Variants in ALMS1 observed in about 807,000 individuals in gnomAD.
ALMS1 encodes the protein ALMS1 centrosome and basal body associated protein.
A neutral mutation model predicts 352.2 loss-of-function variants in ALMS1; 271 were observed. That is an observed-to-expected ratio of 0.77 (90% CI 0.70 to 0.85). ALMS1 has a LOEUF of 0.85. Among genes scored for constraint, ALMS1 ranks in the 40% least tolerant of loss-of-function variants. The probability of loss-of-function intolerance (pLI) is 0.00; values close to 1 mark genes in which losing one functional copy is unlikely to be tolerated. For missense variants in ALMS1, 5,445 were observed against 4,870.7 expected, an observed-to-expected ratio of 1.12 and a Z score of -3.51; for synonymous variants, 1,865 against 1,761.2, an observed-to-expected ratio of 1.06 and a Z score of -1.48.
intron 9 of ALMS1, among the ~76,000 whole-genome samples, chr2:73,459,677 C>A (rs1243626097): frequency 6.6e-6 from 1 of 152,114 alleles, no homozygotes; most frequent in Non-Finnish European, 1.5e-5. Flanking sequence ...TAAGCTGGTT[C>A]CTGTGTGTTC....
intron 1 of ALMS1, among the ~76,000 whole-genome samples, chr2:73,401,377 A>G (rs977552647): frequency 3.9e-5 from 6 of 152,168 alleles, no homozygotes; most frequent in African/African-American, 1.4e-4. Context: ...TAAATTTCCC[A>G]GTAAGCACTA....
chr2:73,443,433 G>A (rs1164241904), intron 7 of ALMS1, among the ~76,000 whole-genome samples: 1 of 152,040 alleles, frequency 6.6e-6, no homozygotes, highest in Non-Finnish European at 1.5e-5. Flanking sequence ...TTCATTCTGA[G>A]CTTTGCTGTC....
intron 9 of ALMS1, among the ~76,000 whole-genome samples, chr2:73,479,285 A>G (rs1020155557): frequency 2.6e-5 from 4 of 152,202 alleles, no homozygotes; most frequent in Admixed American, 6.5e-5. Context: ...CACAACCACA[A>G]CGTTGATATT....
intron 7 of ALMS1, 83 bp from the exon 8 acceptor site, chr2:73,447,877 G>A: frequency 7.1e-7 from 1 of 1,406,300 alleles, no homozygotes; most frequent in Non-Finnish European, 9.3e-7. Flanking sequence ...GCTTTTTAAA[G>A]GCTCAAAGCT....
intron 15 of ALMS1, among the ~76,000 whole-genome samples, chr2:73,567,440 T>C (rs1466381154): frequency 2.6e-5 from 4 of 152,222 alleles, no homozygotes; most frequent in African/African-American, 9.6e-5. Flanking sequence ...GTTTTAGTAG[T>C]TCTGGCCAGG....
intron 13 of ALMS1, among the ~76,000 whole-genome samples, chr2:73,551,056 G>T (rs937279937): frequency 3.3e-5 from 5 of 151,896 alleles, no homozygotes; most frequent in Non-Finnish European, 5.9e-5. Context: ...TGGGGGTCTC[G>T]CTATGTTGCC....
intron 12 of ALMS1, among the ~76,000 whole-genome samples, chr2:73,538,012 C>CA (rs531459848): frequency 1.3e-4 from 19 of 150,726 alleles, no homozygotes; most frequent in Non-Finnish European, 2.5e-4. Flanking sequence ...TCTCAAAGAA[C>CA]AAAAAAACAA....
At chr2:73,584,994 A>G (rs10427301) in intron 16 of ALMS1, among the ~76,000 whole-genome samples, 379 of 152,304 alleles carry the variant, frequency 2.5e-3, no homozygotes, top group African/African-American at 8.6e-3. Flanking sequence ...TCCATGGTGT[A>G]TATGTACCAC....
chr2:73,595,990 T>C (rs997768730), intron 16 of ALMS1, among the ~76,000 whole-genome samples: 5 of 152,262 alleles, frequency 3.3e-5, no homozygotes, highest in Non-Finnish European at 7.3e-5. Flanking sequence ...ATCTTCCTAC[T>C]GAGTTGAAAG....
At chr2:73,537,800 A>T (rs1674063449) in intron 12 of ALMS1, among the ~76,000 whole-genome samples, 1 of 152,110 alleles carries the variant, frequency 6.6e-6, no homozygotes, top group African/African-American at 2.4e-5. Flanking sequence ...TGAGCCCTGG[A>T]GTTTGAGATC....
At chr2:73,454,188 A>T in intron 8 of ALMS1, 121 bp downstream of exon 8, 1 of 1,485,090 alleles carries the variant, frequency 6.7e-7, no homozygotes, top group South Asian at 1.3e-5. Context: ...AAAAAAAATG[A>T]AGTTAGATAT....
intron 2 of ALMS1, among the ~76,000 whole-genome samples, chr2:73,417,017 C>T (rs1671193461): frequency 6.6e-6 from 1 of 152,066 alleles, no homozygotes; most frequent in African/African-American, 2.4e-5. Flanking sequence ...TCACTTGAGC[C>T]TGGAGGCAGA....
chr2:73,602,246 T>G lies in ALMS1; in HGVS notation c.12176T>G (p.Leu4059Arg), dbSNP rs780944259. The stretch of plus-strand genomic sequence containing the variant: ...CGCTCTGGGGAGCGGATAAAGCGCC[T>G]GAAGTTAATAGTCCAGGAGAGGAAG... ...ISRSGERIKR[L>R]KLIVQERKLQ... is the part of the protein sequence containing the mutation. The change falls in exon 20 of 23, where the codon CTG becomes CGG. Residue 4059 changes from leucine to arginine, a missense_variant. Leu to Arg is a moderately radical substitution (Grantham distance 102). Coordinates refer to ENST00000613296, the MANE Select transcript of ALMS1 (RefSeq NM_001378454.1). The G allele has an allele frequency of 1.2e-6, 2 of 1,614,168 alleles. No individual in the cohort carries two copies. Among genetic ancestry groups the G allele is most frequent in the South Asian group, 2.2e-5 (2 of 91,088 alleles).
At chr2:73,552,396 A>G (rs1674458090) in intron 13 of ALMS1, among the ~76,000 whole-genome samples, 1 of 152,194 alleles carries the variant, frequency 6.6e-6, no homozygotes, top group Admixed American at 6.5e-5. Flanking sequence ...TCCACTATCC[A>G]TATGCTAGTG....
chr2:73,496,275 C>A (rs769356470), intron 10 of ALMS1, among the ~76,000 whole-genome samples: 1 of 152,194 alleles, frequency 6.6e-6, no homozygotes, highest in South Asian at 2.1e-4. Flanking sequence ...CCCTGGCAGT[C>A]CCTGGTCTGT....
At chr2:73,494,683 G>C (rs1002548612) in intron 10 of ALMS1, among the ~76,000 whole-genome samples, 4 of 152,178 alleles carry the variant, frequency 2.6e-5, no homozygotes, top group Non-Finnish European at 5.9e-5. Context: ...GTTAGATTAG[G>C]GTTATGCATT....
intron 14 of ALMS1, 88 bp downstream of exon 14, chr2:73,557,442 C>T (rs1674570800): frequency 1.3e-6 from 2 of 1,542,658 alleles, no homozygotes; most frequent in African/African-American, 1.4e-5. Flanking sequence ...GAAATATATT[C>T]TCTATTTTCT....
intron 1 of ALMS1, among the ~76,000 whole-genome samples, chr2:73,398,492 G>T (rs1034826336): frequency 6.6e-6 from 1 of 152,150 alleles, no homozygotes; most frequent in Non-Finnish European, 1.5e-5. Context: ...AAATTGCTGG[G>T]ATTTTGATTG....
At chr2:73,485,265 C>T (rs1268647334) in intron 9 of ALMS1, among the ~76,000 whole-genome samples, 1 of 152,092 alleles carries the variant, frequency 6.6e-6, no homozygotes, top group African/African-American at 2.4e-5. Flanking sequence ...TGTGGATGTC[C>T]TTTCTATTTG....
Sources: allele counts gnomAD v4.1 joint callset (sites outside exome capture counted in the v4.1 genomes callset), GRCh38; gene constraint gnomAD v4.1.1; transcripts MANE v1.5; gene names NCBI Gene and HGNC (gene_info 2026-07-23, HGNC 2026-07-21).